Variants in POLA1 observed in about 807,000 individuals in gnomAD.
POLA1 encodes the protein DNA polymerase alpha 1, catalytic subunit.
POLA1 carries 15 observed loss-of-function variants against 124.0 expected under a neutral mutation model. The observed-to-expected ratio is 0.12, with a 90% CI of 0.08 to 0.19. The LOEUF is 0.19. Ranked by LOEUF, POLA1 falls within the 10% of genes least tolerant of loss-of-function variation. The pLI is 1.00. For synonymous variants in POLA1, 408 were observed against 389.4 expected, an observed-to-expected ratio of 1.05 and a Z score of -0.56; for missense variants, 886 against 1,103.4, an observed-to-expected ratio of 0.80 and a Z score of 2.79.
intron 28 of POLA1, among the ~76,000 whole-genome samples, chrX:24,811,479 G>A (rs1207749144): frequency 8.3e-5 from 9 of 108,941 alleles, no homozygotes; most frequent in Admixed American, 2.9e-4. Context: ...TGGTAGAGAC[G>A]GGGTTTCACC....
At position 24,726,025 on chromosome X, in the gene POLA1, A is replaced by G. The variant is rs372526139; in HGVS notation, c.1362A>G (p.Glu454=). The G allele has an allele frequency of 2.7e-5, 32 of 1,173,002 alleles. No homozygotes were observed. Among genetic ancestry groups the G allele is most frequent in the Non-Finnish European group, 3.6e-5 (31 of 862,771 alleles). Residue 454 remains glutamate (E), a synonymous_variant, in exon 13 of 37, where the codon GAA becomes GAG. Coordinates refer to ENST00000379068, the MANE Select transcript of POLA1 (RefSeq NM_001330360.2). ...CTTTTGAGATACCTGATGTTCCAGAAAAATCTGAGTACTTGGAAGTTAAAT... is the reference window on the plus strand; with the variant it reads ...CTTTTGAGATACCTGATGTTCCAGAGAAATCTGAGTACTTGGAAGTTAAAT... ...NYAFEIPDVP[E]KSEYLEVKYS...
intron 13 of POLA1, among the ~76,000 whole-genome samples, chrX:24,726,304 G>A (rs1037154103): frequency 8.9e-6 from 1 of 112,170 alleles, no homozygotes; most frequent in Non-Finnish European, 1.9e-5. Context: ...CAGCACGACT[G>A]TTTGTCAAGT....
chrX:24,922,008 A>G (rs2047624067), intron 35 of POLA1, among the ~76,000 whole-genome samples: 1 of 110,712 alleles, frequency 9.0e-6, no homozygotes, highest in Non-Finnish European at 1.9e-5. Flanking sequence ...AAGAAGACAA[A>G]GTCATATTGC....
At chrX:24,907,487 C>G (rs913884835) in intron 35 of POLA1, among the ~76,000 whole-genome samples, 6 of 111,390 alleles carry the variant, frequency 5.4e-5, no homozygotes, top group Admixed American at 1.9e-4. Flanking sequence ...ACAAAAAATT[C>G]TGAAAGCCAG....
At position 24,745,538 on chromosome X, in the gene POLA1, C is replaced by T; in HGVS notation, c.2687C>T (p.Thr896Ile). The change falls in exon 24 of 37, where the codon ACA (threonine) becomes ATA (isoleucine). Residue 896 changes from threonine (T) to isoleucine (I), a missense_variant. Around this residue, in one of 7 missense-constraint regions of POLA1, gnomAD observed 182 missense variants for 252.8 expected, o/e 0.72. Coordinates refer to ENST00000379068, the MANE Select transcript of POLA1 (RefSeq NM_001330360.2). ...GTTGCTTCAGAGGCACAGAAAGTTA[C>T]AGAGGTTTGTATTTAACCTGGGACT... is the stretch of plus-strand genomic sequence containing the variant. The part of the protein sequence containing the change: ...QRVASEAQKV[T>I]EDGEQEQIPE... 8.6e-7 allele frequency: 1 copy of T among 1,160,781 alleles called. No individual in the cohort carries two copies. Among genetic ancestry groups the T allele is most frequent in the Non-Finnish European group, 1.2e-6 (1 of 857,351 alleles).
At chrX:24,939,965 T>C (rs1019255761) in intron 36 of POLA1, among the ~76,000 whole-genome samples, 6 of 111,995 alleles carry the variant, frequency 5.4e-5, no homozygotes, top group Non-Finnish European at 1.1e-4. Context: ...ATTTAATAGC[T>C]ATCTCTGCCT....
At chrX:24,933,358 G>A (rs1216852787) in intron 36 of POLA1, among the ~76,000 whole-genome samples, 3 of 112,011 alleles carry the variant, frequency 2.7e-5, no homozygotes, top group East Asian at 5.6e-4. Context: ...CTTTTGATTT[G>A]CTATTCAAGG....
At chrX:24,765,374 C>T (rs1338734598) in intron 26 of POLA1, among the ~76,000 whole-genome samples, 1 of 106,816 alleles carries the variant, frequency 9.4e-6, no homozygotes, top group Non-Finnish European at 1.9e-5. Flanking sequence ...TGGCTCACTG[C>T]AACCTCCACC....
intron 17 of POLA1, chrX:24,734,329 G>A (rs1190878646): frequency 8.9e-6 from 1 of 112,148 alleles, no homozygotes; most frequent in African/African-American, 3.2e-5. Context: ...GTAGTATAAT[G>A]TAGTGAATTT....
In POLA1 at chrX:24,749,002, GTAATAACA is replaced by G. The variant is rs1569295142; in HGVS notation, c.2964+12_2964+19del. ...ATACAAAGGAAGGGAGGTAAATGGC[GTAATAACA>G]TTCACATCTCTAGATATGAGAGTAT... On this transcript the variant is annotated intron_variant, in intron 26 of 36. Transcript: ENST00000379068. 1 of 1,180,059 alleles carries G rather than the reference GTAATAACA, an allele frequency of 8.5e-7. No individual in the cohort carries two copies. The highest frequency in any genetic ancestry group is 1.2e-6 in the Non-Finnish European group (1 of 867,039).
At chrX:24,793,821 G>T (rs1375146998) in intron 26 of POLA1, among the ~76,000 whole-genome samples, 1 of 110,595 alleles carries the variant, frequency 9.0e-6, no homozygotes, top group Non-Finnish European at 1.9e-5. Context: ...CTGACCTCAG[G>T]TGATCCGCCC....
intron 22 of POLA1, 43 bp from the exon 23 acceptor site, chrX:24,743,187 A>G (rs770013121): frequency 8.7e-5 from 58 of 663,680 alleles, no homozygotes; most frequent in Non-Finnish European, 1.3e-4. Context: ...AAATTAGTTA[A>G]TTAGTTGCTG....
intron 36 of POLA1, among the ~76,000 whole-genome samples, chrX:24,993,418 C>A (rs765952904): frequency 8.9e-5 from 10 of 112,600 alleles, no homozygotes; most frequent in Non-Finnish European, 1.7e-4. Flanking sequence ...GGCACCTGAC[C>A]TGCAGCACCT....
intron 36 of POLA1, among the ~76,000 whole-genome samples, chrX:24,959,687 A>G (rs1207766420): frequency 9.0e-6 from 1 of 111,526 alleles, no homozygotes; most frequent in South Asian, 3.8e-4. Flanking sequence ...CCTAGTTTAA[A>G]TTGAGATGCG....
chrX:24,930,699 C>A, intron 36 of POLA1, 150 bp downstream of exon 36: 1 of 458,267 alleles, frequency 2.2e-6, no homozygotes, highest in Non-Finnish European at 3.8e-6. Flanking sequence ...GGATCCCCTG[C>A]ATGAGGGGCG....
intron 31 of POLA1, among the ~76,000 whole-genome samples, chrX:24,825,801 CT>C (rs2046162362): frequency 9.0e-6 from 1 of 111,554 alleles, no homozygotes; most frequent in Admixed American, 9.5e-5. Flanking sequence ...AGATATTTGG[CT>C]TTTAGAGCCC....
chrX:24,714,874 C>T (rs1304332110), intron 5 of POLA1, among the ~76,000 whole-genome samples: 1 of 112,256 alleles, frequency 8.9e-6, no homozygotes, highest in Non-Finnish European at 1.9e-5. Flanking sequence ...AACAGAAAAG[C>T]TGAATTGAGA....
intron 31 of POLA1, among the ~76,000 whole-genome samples, chrX:24,824,460 C>CTTT (rs781633550): frequency 8.9e-5 from 6 of 67,099 alleles, no homozygotes; most frequent in African/African-American, 3.5e-4. Context: ...GCCTGGCTAA[C>CTTT]TTTTTTTTTT....
At chrX:24,782,097 G>A (rs2045276625) in intron 26 of POLA1, among the ~76,000 whole-genome samples, 1 of 111,737 alleles carries the variant, frequency 8.9e-6, no homozygotes, top group African/African-American at 3.3e-5. Flanking sequence ...AGACTCACAT[G>A]TACTTGCCCT....
Sources: gnomAD v4.1 joint callset for allele counts (sites outside exome capture counted in the v4.1 genomes callset) on GRCh38, gnomAD v4.1.1 for gene constraint, gnomAD v4.1.1 regional missense constraint, MANE v1.5 for transcripts, NCBI Gene and HGNC (gene_info 2026-07-23, HGNC 2026-07-21) for gene names.